The following PFKM variants were observed in gnomAD, a reference collection of about 807,000 sequenced individuals.
PFKM encodes the protein phosphofructokinase, muscle, also known as ATP-dependent 6-phosphofructokinase, muscle type.
A neutral mutation model predicts 95.5 loss-of-function variants in PFKM; 58 were observed. The observed-to-expected ratio is 0.61, with a 90% CI of 0.49 to 0.76. The LOEUF is 0.76. PFKM is among the 30% of genes least tolerant of loss of function. The pLI is 0.00. For missense variants in PFKM, 678 were observed against 1,005.4 expected (o/e 0.67, Z 4.40); for synonymous variants, 336 against 357.2 (o/e 0.94, Z 0.67).
chr12:48,144,214 A>T (rs1027177918), intron 20 of PFKM, 57 bp downstream of exon 20: 1 of 1,173,768 alleles, frequency 8.5e-7, no homozygotes, highest in African/African-American at 1.5e-5. Flanking sequence ...GCCAACAGCC[A>T]TACCTGCCAA....
In PFKM at chr12:48,135,292, T is replaced by C. The variant is rs1949966966; in HGVS notation, c.845T>C (p.Leu282Pro). The stretch of plus-strand genomic sequence containing the variant: ...CTGTCCCTCTGTTGGTCCCTTCAGC[T>C]GGTGGTTAAGCGTCTGGGATATGAC... ...KPITSEDIKNLVVKRLGYDTR... is the reference protein window; with the variant it reads ...KPITSEDIKNPVVKRLGYDTR... The change falls in exon 10 of 23, where the codon CTG becomes CCG. Residue 282 changes from leucine (L) to proline (P), a missense_variant and splice_region_variant. Physicochemically the swap from Leu to Pro is moderately conservative, Grantham distance 98. Coordinates refer to ENST00000359794, the MANE Select transcript of PFKM (RefSeq NM_000289.6). 6.2e-7 allele frequency: 1 copy of C among 1,613,488 alleles called. No homozygotes were observed. The highest frequency in any genetic ancestry group is 8.5e-7 in the Non-Finnish European group (1 of 1,179,510).
At chr12:48,109,443 G>A (rs926625855) in intron 3 of PFKM, among the ~76,000 whole-genome samples, 7 of 151,572 alleles carry the variant, frequency 4.6e-5, no homozygotes, top group Non-Finnish European at 5.9e-5. Flanking sequence ...CTTTGCCCCT[G>A]CATAGAAAGC....
At position 48,145,699 on chromosome 12, in the gene PFKM, T is replaced by G. The variant is rs8716; in HGVS notation, c.2334T>G (p.Ala778=). 0.35 allele frequency: 569,561 copies of G among 1,613,540 alleles called. 106,543 individuals carry two copies. Among genetic ancestry groups the G allele is most frequent in the Non-Finnish European group, 0.39 (454,951 of 1,179,556 alleles). Residue 778 remains alanine, a synonymous_variant, in exon 23 of 23, where the codon GCT becomes GCG. Transcript: ENST00000359794. The surrounding 1 kb of genome is among the most constrained non-coding windows in gnomAD (Gnocchi z 4.3). ...TCACCCGGAAGCGGTCCGGGGAAGC[T>G]GCCGTCTAAACCTCTCTGGAGTGAG... ...EHITRKRSGE[A]AV is the part of the protein sequence containing the mutation.
chr12:48,140,735 C>A lies in PFKM; in HGVS notation c.1205C>A (p.Thr402Lys). 1 of 1,614,188 alleles carries A rather than the reference C, an allele frequency of 6.2e-7. No individual in the cohort carries two copies. Among genetic ancestry groups the A allele is most frequent in the East Asian group, 2.2e-5 (1 of 44,876 alleles). ...RPPVSKSGSH[T>K]VAVMNVGAPA... The stretch of plus-strand genomic sequence containing the variant: ...CCTCCTGTATAGAGTGGTTCGCACA[C>A]AGTGGCTGTGATGAACGTGGGGGCT... Residue 402 changes from threonine to lysine, a missense_variant, in exon 14 of 23, where the codon ACA (threonine) becomes AAA (lysine). Physicochemically the swap from Thr to Lys is moderately conservative, Grantham distance 78. Coordinates refer to ENST00000359794, the MANE Select transcript of PFKM (RefSeq NM_000289.6).
chr12:48,134,883 A>G (rs1949917665), intron 8 of PFKM, 54 bp downstream of exon 8: 7 of 1,584,726 alleles, frequency 4.4e-6, no homozygotes, highest in Admixed American at 1.7e-5. Context: ...TCCACTGATG[A>G]TCTCTTTCCC....
rs564331242 is a variant in PFKM, at chr12:48,145,172, C to T, written c.2093-38C>T. ...CGAGTGCCCTCTATAGAGGCTGGTT[C>T]CCCAGTATAGAAGCTGACTGCCCAT... On this transcript the variant is annotated intron_variant, in intron 21 of 22. Transcript: ENST00000359794. This position sits in a 1 kb window ranked among gnomAD's most constrained non-coding sequence, Gnocchi z 4.3. 5.8e-5 allele frequency: 93 copies of T among 1,609,486 alleles called. No homozygotes were observed. Among genetic ancestry groups the T allele is most frequent in the South Asian group, 5.1e-4 (46 of 91,008 alleles).
At chr12:48,114,088 G>A (rs757871213) in intron 3 of PFKM, among the ~76,000 whole-genome samples, 26 of 152,190 alleles carry the variant, frequency 1.7e-4, no homozygotes, top group Non-Finnish European at 3.2e-4. Context: ...AGTTCCATTG[G>A]GGATCGCCTC....
intron 18 of PFKM, among the ~76,000 whole-genome samples, chr12:48,143,507 AACACTG>A (rs1198752395): frequency 6.6e-6 from 1 of 152,228 alleles, no homozygotes; most frequent in Non-Finnish European, 1.5e-5. Context: ...TGAGGGGCTG[AACACTG>A]ACAGTTACTG....
At chr12:48,131,269 T>C (rs781570583) in intron 3 of PFKM, 47 bp from the exon 4 acceptor site, 48 of 1,321,814 alleles carry the variant, frequency 3.6e-5, no homozygotes, top group Non-Finnish European at 5.1e-5. Flanking sequence ...ATCTTGGGAA[T>C]TTATAGAGAA....
chr12:48,141,242 T>C, intron 14 of PFKM, 69 bp from the exon 15 acceptor site: 1 of 1,406,516 alleles, frequency 7.1e-7, no homozygotes, highest in Non-Finnish European at 1.0e-6. Flanking sequence ...ACTCAAGCAG[T>C]GGCACCAGTC....
Position 48,145,486 on chromosome 12 carries a change from C to T in PFKM, c.2199-78C>T. 18 of 1,563,546 alleles carry T rather than the reference C, an allele frequency of 1.2e-5. No homozygotes were observed. The highest frequency in any genetic ancestry group is 1.5e-5 in the Non-Finnish European group (17 of 1,136,044). On this transcript the variant is annotated intron_variant, in intron 22 of 22. Transcript: ENST00000359794. The surrounding 1 kb of genome is among the most constrained non-coding windows in gnomAD (Gnocchi z 4.3). ...CCTAAATCTAACCTCTTCTGTCTAACTTCTTCCTATAAACCTTTGGTAGAA... is the reference window on the plus strand; with the variant it reads ...CCTAAATCTAACCTCTTCTGTCTAATTTCTTCCTATAAACCTTTGGTAGAA...
chr12:48,122,819 C>T lies in PFKM; in HGVS notation c.45C>T (p.Gly15=). 3 of 1,614,098 alleles carry T rather than the reference C, an allele frequency of 1.9e-6. No individual in the cohort carries two copies. The highest frequency in any genetic ancestry group is 2.5e-6 in the Non-Finnish European group (3 of 1,179,974). The change falls in exon 2 of 23, where the codon GGC becomes GGT. Residue 15 remains glycine, a synonymous_variant. Coordinates refer to ENST00000359794, the MANE Select transcript of PFKM (RefSeq NM_000289.6). ...EHHAAKTLGI[G]KAIAVLTSGG... ...ATGCAGCCAAAACCCTGGGGATTGG[C>T]AAAGCCATTGCTGTCTTAACCTCTG...
At position 48,134,951 on chromosome 12, in the gene PFKM, C is replaced by T. The variant is rs1430528960; in HGVS notation, c.756C>T (p.Thr252=). The part of the protein sequence containing the change: ...HLCRRLSETR[T]RGSRLNIIIV... The stretch of plus-strand genomic sequence containing the variant: ...CCTTTGTTCTCAACCAGACAAGGAC[C>T]CGTGGTTCTCGTCTCAACATCATCA... The change falls in exon 9 of 23, where the codon ACC becomes ACT. Residue 252 remains threonine, a synonymous_variant. Coordinates refer to ENST00000359794, the MANE Select transcript of PFKM (RefSeq NM_000289.6). The T allele has an allele frequency of 1.2e-6, 2 of 1,613,922 alleles. No homozygotes were observed. Among genetic ancestry groups the T allele is most frequent in the East Asian group, 2.2e-5 (1 of 44,876 alleles).
At chr12:48,126,488 A>T (rs1948846249) in intron 2 of PFKM, among the ~76,000 whole-genome samples, 1 of 152,156 alleles carries the variant, frequency 6.6e-6, no homozygotes, top group South Asian at 2.1e-4. Context: ...AGGCAGAGGG[A>T]GAAGAGAATT....
In PFKM at chr12:48,142,739, C is replaced by A. The variant is rs140081164; in HGVS notation, c.1654-43C>A. The A allele has an allele frequency of 2.2e-4, 346 of 1,557,708 alleles. No individual in the cohort carries two copies. In the African/African-American group the frequency reaches 3.8e-3, roughly 17 times the overall value. Reference sequence around the variant, plus strand: ...AGATTAAAGAGTGATAAGAATCAGGCCCCTGATCATGTCTTTCTAACTATA... The same window carrying A: ...AGATTAAAGAGTGATAAGAATCAGGACCCTGATCATGTCTTTCTAACTATA... On this transcript the variant is annotated intron_variant, in intron 17 of 22. Transcript: ENST00000359794.
At chr12:48,112,597 A>C (rs1947297478) in intron 3 of PFKM, among the ~76,000 whole-genome samples, 1 of 152,144 alleles carries the variant, frequency 6.6e-6, no homozygotes, top group South Asian at 2.1e-4. Context: ...ATAGTAAAGA[A>C]AGCATGTTTG....
chr12:48,129,507 G>A (rs533870664), intron 2 of PFKM, among the ~76,000 whole-genome samples: 4 of 152,238 alleles, frequency 2.6e-5, no homozygotes, highest in South Asian at 2.1e-4. Flanking sequence ...CCAGGAGAAC[G>A]CAGTGAGAGA....
intron 3 of PFKM, among the ~76,000 whole-genome samples, chr12:48,109,271 C>T (rs1050094421): frequency 7.2e-5 from 11 of 152,138 alleles, no homozygotes; most frequent in African/African-American, 2.4e-4. Context: ...GGGAAGAGAA[C>T]AGCCAGCTGA....
chr12:48,142,220 C>A, intron 17 of PFKM, 154 bp downstream of exon 17: 1 of 832,780 alleles, frequency 1.2e-6, no homozygotes. Flanking sequence ...CACTTCTAAT[C>A]CCAGCACTTT....
Sources: gnomAD v4.1 joint callset for allele counts (sites outside exome capture counted in the v4.1 genomes callset) on GRCh38, gnomAD v4.1.1 for gene constraint, Gnocchi (gnomAD v3.1) non-coding constraint, MANE v1.5 for transcripts, NCBI Gene and HGNC (gene_info 2026-07-23, HGNC 2026-07-21) for gene names.